The following AFF3 variants were observed in gnomAD, a reference collection of about 807,000 sequenced individuals.
The protein encoded by AFF3 is ALF transcription elongation factor 3.
Under a neutral mutation model 129.7 loss-of-function variants are expected in AFF3, and 32 were observed. The ratio of observed to expected loss-of-function variants is 0.25; its 90% CI spans 0.19 to 0.33. The LOEUF (loss-of-function observed/expected upper bound fraction) is 0.33. AFF3 is among the 10% of genes least tolerant of loss of function. AFF3 has a pLI of 1.00. For missense variants in AFF3, 1,373 were observed against 1,592.0 expected (o/e 0.86, Z 2.34); for synonymous variants, 644 against 635.4 (o/e 1.01, Z -0.20).
At chr2:99,743,975 C>T in intron 10 of AFF3, 129 bp downstream of exon 10, 1 of 737,200 alleles carries the variant, frequency 1.4e-6, no homozygotes, top group Non-Finnish European at 2.1e-6. Flanking sequence ...CAAATGGCCC[C>T]TTTCCCCAGT....
At chr2:99,855,887 G>A (rs994699137) in intron 7 of AFF3, among the ~76,000 whole-genome samples, 2 of 152,176 alleles carry the variant, frequency 1.3e-5, no homozygotes, top group African/African-American at 4.8e-5. Flanking sequence ...CATATTGATA[G>A]TATGTAGACC....
chr2:99,828,382 C>A (rs998488790), intron 8 of AFF3, among the ~76,000 whole-genome samples: 1 of 152,190 alleles, frequency 6.6e-6, no homozygotes. Flanking sequence ...GACGTCGCAA[C>A]CGGCTGGCTG....
chr2:100,072,405 G>A (rs1416302709), intron 4 of AFF3, among the ~76,000 whole-genome samples: 1 of 152,172 alleles, frequency 6.6e-6, no homozygotes, highest in African/African-American at 2.4e-5. Flanking sequence ...TGGAACAACT[G>A]TCTTCCACGA....
At chr2:99,789,446 CA>C (rs34653301) in intron 8 of AFF3, among the ~76,000 whole-genome samples, 36 of 62,046 alleles carry the variant, frequency 5.8e-4, no homozygotes, top group African/African-American at 1.2e-3. Flanking sequence ...GCCCTGTCAC[CA>C]AAAAAAAAAA....
At chr2:100,060,091 C>T (rs1196490687) in intron 4 of AFF3, among the ~76,000 whole-genome samples, 8 of 152,170 alleles carry the variant, frequency 5.3e-5, no homozygotes, top group Non-Finnish European at 1.0e-4. Flanking sequence ...GAGGGAAACA[C>T]ACCCTCCATC....
chr2:99,837,122 C>A (rs993244032), intron 8 of AFF3, among the ~76,000 whole-genome samples: 5 of 152,202 alleles, frequency 3.3e-5, no homozygotes, highest in Non-Finnish European at 5.9e-5. Context: ...CAGGCAACCC[C>A]TGCCTGACTC....
At chr2:100,122,092 A>T (rs1477670216) in intron 2 of AFF3, among the ~76,000 whole-genome samples, 3 of 152,160 alleles carry the variant, frequency 2.0e-5, no homozygotes, top group Admixed American at 6.5e-5. Flanking sequence ...AATAAATAAA[A>T]AATAACAAGC....
intron 13 of AFF3, among the ~76,000 whole-genome samples, chr2:99,638,427 C>T (rs886708967): frequency 6.6e-6 from 1 of 150,490 alleles, no homozygotes; most frequent in Non-Finnish European, 1.5e-5. Flanking sequence ...TCGCAGACTG[C>T]AGCGAGGCTG....
At chr2:100,136,635 C>A (rs767222210) in intron 1 of AFF3, among the ~76,000 whole-genome samples, 5 of 152,108 alleles carry the variant, frequency 3.3e-5, no homozygotes, top group Non-Finnish European at 7.4e-5. Flanking sequence ...GCTATGTGAC[C>A]GCTGAAGCTT....
chr2:100,077,134 A>C (rs959677248), intron 4 of AFF3, among the ~76,000 whole-genome samples: 2 of 152,114 alleles, frequency 1.3e-5, no homozygotes, highest in African/African-American at 4.8e-5. Flanking sequence ...CTGTAATCCC[A>C]GCTACTCAGG....
At chr2:99,625,859 A>G (rs919678183) in intron 13 of AFF3, among the ~76,000 whole-genome samples, 6 of 152,228 alleles carry the variant, frequency 3.9e-5, no homozygotes, top group African/African-American at 1.4e-4. Context: ...GTTGAAGGGG[A>G]TGAAAGGCAA....
intron 4 of AFF3, among the ~76,000 whole-genome samples, chr2:100,014,473 T>C (rs1052809463): frequency 1.3e-5 from 2 of 152,138 alleles, no homozygotes; most frequent in Non-Finnish European, 2.9e-5. Context: ...AGGGTCGTGA[T>C]TGAGCCATCC....
intron 7 of AFF3, among the ~76,000 whole-genome samples, chr2:99,979,255 A>T (rs756812004): frequency 6.6e-6 from 1 of 152,004 alleles, no homozygotes; most frequent in Non-Finnish European, 1.5e-5. Flanking sequence ...TTTTTTCCCA[A>T]GGGAAAAATC....
chr2:99,722,142 A>T (rs767262056), intron 11 of AFF3, among the ~76,000 whole-genome samples: 3 of 152,112 alleles, frequency 2.0e-5, no homozygotes, highest in Non-Finnish European at 4.4e-5. Context: ...CCTTCTTTTC[A>T]GTCATGATGA....
intron 7 of AFF3, among the ~76,000 whole-genome samples, chr2:99,940,918 C>G (rs530143980): frequency 6.6e-6 from 1 of 151,674 alleles, no homozygotes; most frequent in South Asian, 2.1e-4. Flanking sequence ...GATTTTTTTT[C>G]TGTTTGTCAT....
chr2:99,827,715 G>T (rs79181525), intron 8 of AFF3, among the ~76,000 whole-genome samples: 1 of 151,720 alleles, frequency 6.6e-6, no homozygotes, highest in East Asian at 1.9e-4. Flanking sequence ...ACACACATAC[G>T]ATGGAAAGAA....
intron 10 of AFF3, among the ~76,000 whole-genome samples, chr2:99,737,475 T>A (rs1477092382): frequency 2.0e-5 from 3 of 151,988 alleles, no homozygotes; most frequent in Admixed American, 6.6e-5. Flanking sequence ...AATCCTAAGC[T>A]GATAGTTATT....
intron 7 of AFF3, among the ~76,000 whole-genome samples, chr2:99,887,512 TATC>T (rs1167705585): frequency 6.6e-6 from 1 of 152,212 alleles, no homozygotes; most frequent in Non-Finnish European, 1.5e-5. Context: ...GCTCACAAAA[TATC>T]ATAGTATTAC....
intron 4 of AFF3, among the ~76,000 whole-genome samples, chr2:100,064,224 C>T (rs1687537385): frequency 6.6e-6 from 1 of 152,058 alleles, no homozygotes; most frequent in Non-Finnish European, 1.5e-5. Context: ...AACACAAAGC[C>T]AGCATATGAC....
Sources: allele counts gnomAD v4.1 joint callset (sites outside exome capture counted in the v4.1 genomes callset), GRCh38; gene constraint gnomAD v4.1.1; transcripts MANE v1.5; gene names NCBI Gene and HGNC (gene_info 2026-07-23, HGNC 2026-07-21).